Variants in CDH4 observed in about 807,000 individuals in gnomAD.
The protein encoded by CDH4 is cadherin-4.
In CDH4, 33 loss-of-function variants were observed where a neutral mutation model predicts 86.0. The observed-to-expected ratio is 0.38, with a 90% CI of 0.29 to 0.51. The LOEUF is 0.51. Among genes scored for constraint, CDH4 ranks in the 20% least tolerant of loss-of-function variants. CDH4 has a pLI of 0.86. For missense variants in CDH4, 1,114 were observed against 1,307.4 expected (o/e 0.85, Z 2.28); for synonymous variants, 555 against 549.4 (o/e 1.01, Z -0.14).
intron 2 of CDH4, among the ~76,000 whole-genome samples, chr20:61,503,079 G>A (rs938100824): frequency 6.6e-6 from 1 of 152,184 alleles, no homozygotes; most frequent in African/African-American, 2.4e-5. Context: ...ACTGTGCTGG[G>A]TACTCCTCCC....
At chr20:61,519,244 A>G (rs576101937) in intron 2 of CDH4, among the ~76,000 whole-genome samples, 2 of 152,320 alleles carry the variant, frequency 1.3e-5, no homozygotes, top group African/African-American at 2.4e-5. Flanking sequence ...TCTGTCTTTG[A>G]AAACTGACTT....
intron 7 of CDH4, among the ~76,000 whole-genome samples, chr20:61,889,881 GGTGA>G (rs1355664910): frequency 2.1e-4 from 32 of 149,452 alleles, no homozygotes; most frequent in Middle Eastern, 3.6e-3. Flanking sequence ...ATGGTGGATG[GGTGA>G]GTGAATGGAT....
chr20:61,282,101 G>A (rs1568780165), intron 2 of CDH4, among the ~76,000 whole-genome samples: 1 of 152,226 alleles, frequency 6.6e-6, no homozygotes, highest in African/African-American at 2.4e-5. Flanking sequence ...GCTCACGCCT[G>A]TAATCCCAGC....
intron 2 of CDH4, among the ~76,000 whole-genome samples, chr20:61,594,671 G>A (rs372049046): frequency 4.6e-5 from 7 of 152,312 alleles, no homozygotes; most frequent in African/African-American, 1.7e-4. Flanking sequence ...GCTTCTAGCA[G>A]GGAGAATAAA....
intron 2 of CDH4, among the ~76,000 whole-genome samples, chr20:61,422,446 A>AAC: frequency 1.4e-5 from 2 of 143,440 alleles, no homozygotes; most frequent in Non-Finnish European, 3.1e-5. Context: ...AAAAAAAAAA[A>AAC]AAAAAAAAAA....
chr20:61,628,585 G>A lies in CDH4; in HGVS notation c.170-114978G>A, dbSNP rs111601117. ...GCCCTTCCTGCTACAGGAGAACGCC[G>A]TCCACCAGGCAGCAGGGCCTCCAGC... On this transcript the variant is annotated intron_variant, in intron 2 of 15. Coordinates refer to ENST00000614565, the MANE Select transcript of CDH4 (RefSeq NM_001794.5). Among the ~76,000 whole-genome samples the A allele has an allele frequency of 2.2e-3, 335 of 152,342 alleles. 5 individuals are homozygous for A. In the East Asian group the frequency reaches 0.033, roughly 15 times the overall value.
intron 2 of CDH4, among the ~76,000 whole-genome samples, chr20:61,372,150 G>A (rs1040874760): frequency 2.6e-5 from 4 of 152,312 alleles, no homozygotes; most frequent in East Asian, 1.9e-4. Flanking sequence ...TAAGTGAAGC[G>A]TGTGACCTGT....
rs756236421 is a variant in CDH4 at position 61,890,038 on chromosome 20, AGTTGGAT to A, written c.1051-4870_1051-4864del. ...ATCAATGATGGATGAGTGAGTGGAT[AGTTGGAT>A]GATGGATGGATAGATGATGGATGCA... On this transcript the variant is annotated intron_variant, in intron 7 of 15. Transcript: ENST00000614565. Among the ~76,000 whole-genome samples, 5 of 138,410 alleles carry A rather than the reference AGTTGGAT, an allele frequency of 3.6e-5. 1 individual carries two copies. The highest frequency in any genetic ancestry group is 6.2e-5 in the Non-Finnish European group (4 of 64,638). 90.8% of individuals were successfully genotyped at this position (138,410 alleles called of 152,430 possible).
intron 2 of CDH4, among the ~76,000 whole-genome samples, chr20:61,530,481 G>A (rs2085943644): frequency 6.6e-6 from 1 of 152,100 alleles, no homozygotes; most frequent in South Asian, 2.1e-4. Flanking sequence ...TCACTGTGGT[G>A]GAGGGATGCC....
intron 2 of CDH4, among the ~76,000 whole-genome samples, chr20:61,357,882 CTTT>C (rs1176132481): frequency 2.0e-5 from 3 of 152,122 alleles, no homozygotes; most frequent in Admixed American, 1.3e-4. Flanking sequence ...CGATTCTTTG[CTTT>C]TTATTTTTTT....
At chr20:61,666,843 G>A (rs775781451) in intron 2 of CDH4, among the ~76,000 whole-genome samples, 21 of 152,234 alleles carry the variant, frequency 1.4e-4, no homozygotes, top group African/African-American at 4.1e-4. Context: ...GCATGAATCC[G>A]AAGACAGCAG....
At chr20:61,680,737 T>C (rs1375865979) in intron 2 of CDH4, among the ~76,000 whole-genome samples, 1 of 152,148 alleles carries the variant, frequency 6.6e-6, no homozygotes, top group African/African-American at 2.4e-5. Flanking sequence ...GTTGGAGCGT[T>C]GACTCTGTAG....
rs1313462777 is a variant in CDH4, at chr20:61,940,511, T to C, written c.*3568T>C. On this transcript the variant is annotated 3_prime_UTR_variant, in exon 16 of 16. Transcript: ENST00000614565. ...GTTGATGTTTTCAGTGTGTTTCCAG[T>C]GCCAGACAGTCTTGGTCCTGAACTC... 3 of 151,542 alleles carry C rather than the reference T, an allele frequency of 2.0e-5. No homozygotes were observed. Among genetic ancestry groups the C allele is most frequent in the African/African-American group, 7.3e-5 (3 of 41,198 alleles). 9.4% of individuals were successfully genotyped at this position (151,542 alleles called of 1,614,324 possible).
chr20:61,682,199 C>T (rs1048111071), intron 2 of CDH4, among the ~76,000 whole-genome samples: 2 of 149,384 alleles, frequency 1.3e-5, no homozygotes, highest in Non-Finnish European at 3.0e-5. Context: ...GATGGATGGA[C>T]AAGTGGACAG....
At chr20:61,838,890 C>T (rs1197756238) in intron 4 of CDH4, among the ~76,000 whole-genome samples, 3 of 151,608 alleles carry the variant, frequency 2.0e-5, no homozygotes, top group African/African-American at 7.3e-5. Flanking sequence ...TTGCCTGTCT[C>T]AGCAGGCCAA....
At chr20:61,883,529 C>T (rs938729478) in intron 7 of CDH4, among the ~76,000 whole-genome samples, 2 of 152,142 alleles carry the variant, frequency 1.3e-5, no homozygotes, top group African/African-American at 2.4e-5. Flanking sequence ...CTGACAGTGC[C>T]CAATTTGGGA....
intron 2 of CDH4, among the ~76,000 whole-genome samples, chr20:61,656,612 GGGCCTCTGGGCTCCAC>G (rs2087194485): frequency 6.6e-6 from 1 of 152,128 alleles, no homozygotes; most frequent in Admixed American, 6.5e-5. Flanking sequence ...ATGGTCATAG[GGGCCTCTGGGCTCCAC>G]AGCCACTCTC....
chr20:61,692,710 G>T (rs554885799), intron 2 of CDH4, among the ~76,000 whole-genome samples: 1 of 152,344 alleles, frequency 6.6e-6, no homozygotes, highest in East Asian at 1.9e-4. Flanking sequence ...AAGCACATCT[G>T]TGTGCCATAT....
intron 2 of CDH4, among the ~76,000 whole-genome samples, chr20:61,416,768 G>A (rs529708808): frequency 3.9e-5 from 6 of 152,326 alleles, no homozygotes; most frequent in South Asian, 2.1e-4. Context: ...GGCGCTGGGC[G>A]AGTCTCCCCG....
Sources: allele counts gnomAD v4.1 joint callset (sites outside exome capture counted in the v4.1 genomes callset), GRCh38; gene constraint gnomAD v4.1.1; transcripts MANE v1.5; gene names NCBI Gene and HGNC (gene_info 2026-07-23, HGNC 2026-07-21).